DNAJC11: variants seen among roughly 807,000 people sequenced by gnomAD.
The protein encoded by DNAJC11 is DnaJ heat shock protein family (Hsp40) member C11, also known as dnaJ homolog subfamily C member 11.
Under a neutral mutation model 78.6 loss-of-function variants are expected in DNAJC11, and 15 were observed. That is an observed-to-expected ratio of 0.19 (90% CI 0.13 to 0.29). The LOEUF (loss-of-function observed/expected upper bound fraction) is 0.29, where lower values mean the gene tolerates loss of function less well. Ranked by LOEUF, DNAJC11 falls within the 10% of genes least tolerant of loss-of-function variation. The probability of loss-of-function intolerance (pLI) is 1.00; values close to 1 mark genes in which losing one functional copy is unlikely to be tolerated. For missense variants in DNAJC11, 547 were observed against 709.6 expected (o/e 0.77, Z 2.60); for synonymous variants, 292 against 272.1 (o/e 1.07, Z -0.72).
In DNAJC11 at chr1:6,634,848, G is replaced by C; in HGVS notation, c.*827C>G. 8.1e-7 allele frequency: 1 copy of C among 1,235,146 alleles called. No homozygotes were observed. Among genetic ancestry groups the C allele is most frequent in the South Asian group, 1.4e-5 (1 of 70,962 alleles). 76.5% of individuals were successfully genotyped at this position (1,235,146 alleles called of 1,614,324 possible). A position where few individuals can be genotyped will look rare whatever the true frequency, so the allele number is the denominator to read the frequency against. On this transcript the variant is annotated 3_prime_UTR_variant, in exon 16 of 16. Coordinates refer to ENST00000377577, the MANE Select transcript of DNAJC11 (RefSeq NM_018198.4). ...TTGGGTTGGGTGTGTCTGATGTCTT[G>C]CCAAGCGCCTGGTCCTGTCCTCTTG...
At chr1:6,676,682 CT>C (rs1178658263) in intron 3 of DNAJC11, among the ~76,000 whole-genome samples, 3 of 151,734 alleles carry the variant, frequency 2.0e-5, no homozygotes, top group African/African-American at 7.2e-5. Flanking sequence ...CGCACTCTCT[CT>C]CACAAACACA....
intron 1 of DNAJC11, among the ~76,000 whole-genome samples, chr1:6,685,925 A>T (rs547344112): frequency 6.6e-6 from 1 of 152,350 alleles, no homozygotes; most frequent in South Asian, 2.1e-4. Context: ...AATAAATACA[A>T]GAGTTTTGAG....
chr1:6,642,606 G>A (rs115723056), intron 10 of DNAJC11, among the ~76,000 whole-genome samples: 2,003 of 152,220 alleles, frequency 0.013, 15 homozygotes, highest in Non-Finnish European at 0.018. Flanking sequence ...TTAGGAGGCC[G>A]AAGCGGGAGA....
Position 6,653,022 on chromosome 1 carries a change from ACG to A in DNAJC11, c.508-73_508-72del. 6.3e-7 allele frequency: 1 copy of A among 1,594,866 alleles called. No homozygotes were observed. ...AGTGCCAATGGCAGCAGCCTAAAGAACGCACTGTGAGCCCAAGGCCAAAGGTG... is the reference window on the plus strand; with the variant it reads ...AGTGCCAATGGCAGCAGCCTAAAGAACACTGTGAGCCCAAGGCCAAAGGTG... On this transcript the variant is annotated intron_variant, in intron 5 of 15. Transcript: ENST00000377577. This position sits in a 1 kb window ranked among gnomAD's most constrained non-coding sequence, Gnocchi z 4.5.
At chr1:6,650,236 C>T (rs1053889851) in intron 7 of DNAJC11, among the ~76,000 whole-genome samples, 5 of 151,790 alleles carry the variant, frequency 3.3e-5, no homozygotes, top group Admixed American at 1.3e-4. Flanking sequence ...ATTCTCCAGC[C>T]GGGGTGACAA....
chr1:6,697,187 G>C (rs1642850923), intron 1 of DNAJC11, among the ~76,000 whole-genome samples: 1 of 152,162 alleles, frequency 6.6e-6, no homozygotes, highest in Non-Finnish European at 1.5e-5. Flanking sequence ...GTGTGAGGCA[G>C]GCACGACAGA....
intron 12 of DNAJC11, chr1:6,637,793 G>T: frequency 1.9e-6 from 1 of 526,106 alleles, no homozygotes; most frequent in Non-Finnish European, 3.4e-6. Context: ...GCGTGGGTGG[G>T]ATTTGTTGAC....
intron 1 of DNAJC11, among the ~76,000 whole-genome samples, chr1:6,698,754 C>T (rs1642879724): frequency 6.6e-6 from 1 of 151,108 alleles, no homozygotes; most frequent in East Asian, 2.0e-4. Flanking sequence ...CCAGCCTGGG[C>T]AACACAGTGA....
rs1642530820 is a variant in DNAJC11, at chr1:6,680,178, A to G, written c.202+730T>C. On this transcript the variant is annotated intron_variant, in intron 2 of 15. Transcript: ENST00000377577. The surrounding 1 kb of genome is among the most constrained non-coding windows in gnomAD (Gnocchi z 4.0). ...TAGTTGATGTATATAACAGTGATTT[A>G]ACATTTTTTTTAATTTAAATTTTAA... 6.6e-6 allele frequency among the ~76,000 whole-genome samples: 1 copy of G among 152,216 alleles called. No homozygotes were observed. The highest frequency in any genetic ancestry group is 2.4e-5 in the African/African-American group (1 of 41,456).
At chr1:6,682,163 C>A (rs114436928) in intron 1 of DNAJC11, among the ~76,000 whole-genome samples, 971 of 93,918 alleles carry the variant, frequency 0.01, no homozygotes, top group Middle Eastern at 0.013. Flanking sequence ...ACCATAATTA[C>A]AAAAAAAAAA....
At chr1:6,651,171 C>T (rs978051660) in intron 7 of DNAJC11, 1 of 552,758 alleles carries the variant, frequency 1.8e-6, no homozygotes, top group African/African-American at 1.9e-5. Flanking sequence ...ATGAGGCAGT[C>T]TGTCATTCTC....
intron 11 of DNAJC11, 99 bp from the exon 12 acceptor site, chr1:6,638,463 C>G: frequency 8.9e-7 from 1 of 1,125,772 alleles, no homozygotes; most frequent in African/African-American, 1.6e-5. Flanking sequence ...AGCAAACAGT[C>G]TGTGATCTTA....
At chr1:6,636,020 G>A in intron 15 of DNAJC11, 97 bp downstream of exon 15, 6 of 1,479,126 alleles carry the variant, frequency 4.1e-6, no homozygotes, top group Non-Finnish European at 4.5e-6. Context: ...GTGGGCAGCT[G>A]AGGAAGGTGG....
At chr1:6,640,328 C>T (rs926395055) in intron 10 of DNAJC11, among the ~76,000 whole-genome samples, 1 of 152,176 alleles carries the variant, frequency 6.6e-6, no homozygotes, top group African/African-American at 2.4e-5. Context: ...ACGGGGTCAA[C>T]GTCCCCTACA....
chr1:6,681,241 G>A (rs1642547115), intron 1 of DNAJC11, among the ~76,000 whole-genome samples: 1 of 152,094 alleles, frequency 6.6e-6, no homozygotes, highest in Non-Finnish European at 1.5e-5. Context: ...ACATCAATAG[G>A]GACTGGGTTT....
intron 1 of DNAJC11, among the ~76,000 whole-genome samples, chr1:6,695,135 G>C (rs1412878055): frequency 7.8e-6 from 1 of 127,874 alleles, no homozygotes; most frequent in Non-Finnish European, 1.6e-5. Flanking sequence ...GACAGAGCGA[G>C]ACTCTCTCAA....
chr1:6,669,940 C>A (rs901869292), intron 3 of DNAJC11, among the ~76,000 whole-genome samples: 2 of 151,944 alleles, frequency 1.3e-5, no homozygotes, highest in East Asian at 1.9e-4. Context: ...TTGGAAATTT[C>A]ACGTTTCAAA....
chr1:6,693,166 G>A (rs1642775309), intron 1 of DNAJC11, among the ~76,000 whole-genome samples: 1 of 151,812 alleles, frequency 6.6e-6, no homozygotes, highest in African/African-American at 2.4e-5. Flanking sequence ...GCCCGCCTCC[G>A]CCTCCCAAAG....
chr1:6,682,291 A>C (rs936997990), intron 1 of DNAJC11, among the ~76,000 whole-genome samples: 1 of 152,076 alleles, frequency 6.6e-6, no homozygotes, highest in East Asian at 1.9e-4. Context: ...TACTTTAGTA[A>C]TAATTTTTGG....
Sources: allele counts gnomAD v4.1 joint callset (sites outside exome capture counted in the v4.1 genomes callset), GRCh38; gene constraint gnomAD v4.1.1; non-coding constraint Gnocchi (gnomAD v3.1); transcripts MANE v1.5; gene names NCBI Gene and HGNC (gene_info 2026-07-23, HGNC 2026-07-21).